Variants in MUC5B observed in about 807,000 individuals in gnomAD.
MUC5B encodes mucin 5B, oligomeric mucus/gel-forming, also known as mucin-5B.
MUC5B carries 116 observed loss-of-function variants against 376.9 expected under a neutral mutation model. That is an observed-to-expected ratio of 0.31 (90% CI 0.26 to 0.36). The LOEUF is 0.36. Among genes scored for constraint, MUC5B ranks in the 10% least tolerant of loss-of-function variants. MUC5B has a pLI of 1.00. For missense variants in MUC5B, 7,165 were observed against 7,769.9 expected (o/e 0.92, Z 2.93); for synonymous variants, 3,517 against 3,390.9 (o/e 1.04, Z -1.29).
Position 1,255,438 on chromosome 11 carries a change from A to C in MUC5B, c.15946A>C (p.Ile5316Leu). 1 of 1,604,220 alleles carries C rather than the reference A, an allele frequency of 6.2e-7. No individual in the cohort carries two copies. Among genetic ancestry groups the C allele is most frequent in the Non-Finnish European group, 8.5e-7 (1 of 1,176,138 alleles). Reference protein sequence around the residue: ...VPPGPFFNACISDHCRGRLEV... With the variant: ...VPPGPFFNACLSDHCRGRLEV... ...CCCGGGCCCATTCTTCAACGCCTGC[A>C]TCAGCGACCACTGCAGGGGCCGCCT... The change falls in exon 37 of 49, where the codon ATC becomes CTC. Residue 5316 changes from isoleucine (I) to leucine (L), a missense_variant. By Grantham distance (5) the Ile-to-Leu change is conservative. Transcript: ENST00000529681.
In MUC5B at chr11:1,245,366, C is replaced by A. The variant is rs1242522249; in HGVS notation, c.8486C>A (p.Thr2829Asn). The change falls in exon 31 of 49, where the codon ACC becomes AAC. Residue 2829 changes from threonine to asparagine, a missense_variant. Physicochemically the swap from Thr to Asn is moderately conservative, Grantham distance 65. Transcript: ENST00000529681. ...TESPPSPGTT[T>N]PGHTRATSRT... is the part of the protein sequence containing the mutation. ...TCACCCCCTTCTCCAGGGACGACCA[C>A]CCCGGGCCACACCAGGGCCACCTCC... 1.9e-6 allele frequency: 3 copies of A among 1,578,032 alleles called. No homozygotes were observed. Among genetic ancestry groups the A allele is most frequent in the Middle Eastern group, 2.3e-4 (1 of 4,360 alleles).
At position 1,246,456 on chromosome 11, in the gene MUC5B, C is replaced by G. The variant is rs759180745; in HGVS notation, c.9576C>G (p.Thr3192=). 1.4e-5 allele frequency: 22 copies of G among 1,613,202 alleles called. No homozygotes were observed. Among genetic ancestry groups the G allele is most frequent in the Non-Finnish European group, 1.8e-5 (21 of 1,179,656 alleles). The part of the protein sequence containing the change: ...TASSTRATAG[T]LKVLTSTATT... The stretch of plus-strand genomic sequence containing the variant: ...CCTCCACCCGGGCAACTGCTGGCAC[C>G]CTCAAAGTGCTGACCAGCACGGCCA... Residue 3192 remains threonine (T), a synonymous_variant, in exon 31 of 49, where the codon ACC becomes ACG. Transcript: ENST00000529681.
chr11:1,250,025 C>G lies in MUC5B; in HGVS notation c.13145C>G (p.Pro4382Arg). The change falls in exon 31 of 49, where the codon CCC becomes CGC. Residue 4382 changes from proline (P) to arginine (R), a missense_variant. Transcript: ENST00000529681. ...TTRATSSTSTPSSTPGTTWIL... is the reference protein window; with the variant it reads ...TTRATSSTSTRSSTPGTTWIL... ...AGGGCCACCAGTTCCACGTCCACCC[C>G]CTCCTCCACTCCGGGGACGACCTGG... The G allele has an allele frequency of 6.2e-7, 1 of 1,613,294 alleles. No homozygotes were observed. Among genetic ancestry groups the G allele is most frequent in the Non-Finnish European group, 8.5e-7 (1 of 1,179,694 alleles).
rs540223672 is a variant in MUC5B at position 1,246,430 on chromosome 11, T to G, written c.9550T>G (p.Ser3184Ala). 1.4e-5 allele frequency: 22 copies of G among 1,611,116 alleles called. No individual in the cohort carries two copies. The highest frequency in any genetic ancestry group is 1.7e-5 in the Non-Finnish European group (20 of 1,179,130). Reference protein sequence around the residue: ...TVPTGSTATASSTRATAGTLK... With the variant: ...TVPTGSTATAASTRATAGTLK... ...GCCCACCGGATCCACGGCCACCGCC[T>G]CCTCCACCCGGGCAACTGCTGGCAC... Residue 3184 changes from serine to alanine, a missense_variant, in exon 31 of 49, where the codon TCC (serine) becomes GCC (alanine). By Grantham distance (99) the Ser-to-Ala change is moderately conservative. Coordinates refer to ENST00000529681, the MANE Select transcript of MUC5B (RefSeq NM_002458.3).
chr11:1,243,190 G>T lies in MUC5B; in HGVS notation c.6310G>T (p.Val2104Leu), dbSNP rs1390404126. ...CCCGGGGACCACCCACACCGCCACA[G>T]TGCTGACCACCACCACCACAACTGT... ...SIPGTTHTAT[V>L]LTTTTTTVAT... The change falls in exon 31 of 49, where the codon GTG (valine) becomes TTG (leucine). Residue 2104 changes from valine to leucine, a missense_variant. This residue lies in a region of MUC5B where 897 missense variants were observed against 779.6 expected (regional missense o/e 1.15). Transcript: ENST00000529681. The T allele has an allele frequency of 6.3e-7, 1 of 1,598,414 alleles. No individual in the cohort carries two copies. Among genetic ancestry groups the T allele is most frequent in the Non-Finnish European group, 8.5e-7 (1 of 1,172,706 alleles).
rs1205563407 is a variant in MUC5B, at chr11:1,250,832, T to C, written c.13952T>C (p.Val4651Ala). 1.2e-5 allele frequency: 20 copies of C among 1,611,524 alleles called. No individual in the cohort carries two copies. Among genetic ancestry groups the C allele is most frequent in the Non-Finnish European group, 1.7e-5 (20 of 1,179,014 alleles). Residue 4651 changes from valine (V) to alanine (A), a missense_variant, in exon 31 of 49, where the codon GTG (valine) becomes GCG (alanine). Coordinates refer to ENST00000529681, the MANE Select transcript of MUC5B (RefSeq NM_002458.3). ...CCGGGGACCACCCACACCGCCAGAG[T>C]GCTGACCACCACCACCACAACTGTG... ...SIPGTTHTAR[V>A]LTTTTTTVAT...
In MUC5B at chr11:1,233,220, G is replaced by T. The variant is rs1310717510; in HGVS notation, c.2273G>T (p.Gly758Val). 5.0e-6 allele frequency: 8 copies of T among 1,596,732 alleles called. No homozygotes were observed. Among genetic ancestry groups the T allele is most frequent in the Non-Finnish European group, 6.8e-6 (8 of 1,175,338 alleles). The change falls in exon 18 of 49, where the codon GGC becomes GTC. Residue 758 changes from glycine (G) to valine (V), a missense_variant. Around this residue, in one of 31 missense-constraint regions of MUC5B, gnomAD observed 530 missense variants for 604.0 expected, o/e 0.88. Transcript: ENST00000529681. ...CAGGAGTGCCCCTGCTACGCTCACGGCACCGTGCTGGCTCCTGGAGAGGTG... is the reference window on the plus strand; with the variant it reads ...CAGGAGTGCCCCTGCTACGCTCACGTCACCGTGCTGGCTCCTGGAGAGGTG... ...PAQECPCYAH[G>V]TVLAPGEVVH...
chr11:1,260,174 G>T, intron 46 of MUC5B, 89 bp downstream of exon 46: 1 of 1,429,556 alleles, frequency 7.0e-7, no homozygotes, highest in African/African-American at 1.4e-5. Flanking sequence ...ACAGCAGGGA[G>T]GCCCCACCCC....
rs1346781236 is a variant in MUC5B, at chr11:1,236,456, A to T, written c.2951A>T (p.Tyr984Phe). The change falls in exon 24 of 49, where the codon TAC becomes TTC. Residue 984 changes from tyrosine to phenylalanine, a missense_variant. Physicochemically the swap from Tyr to Phe is conservative, Grantham distance 22 (BLOSUM62 3). Coordinates refer to ENST00000529681, the MANE Select transcript of MUC5B (RefSeq NM_002458.3). ...VARGPGGDPP[Y>F]KIRYMGIFLV... ...AGAGGGCCGGGTGGGGACCCACCCT[A>T]CAAGATACGCTACATGGGGATCTTC... The T allele has an allele frequency of 6.2e-7, 1 of 1,612,936 alleles. No individual in the cohort carries two copies. Among genetic ancestry groups the T allele is most frequent in the African/African-American group, 1.3e-5 (1 of 75,034 alleles).
In MUC5B at chr11:1,243,330, C is replaced by G. The variant is rs568517586; in HGVS notation, c.6450C>G (p.Ser2150=). Reference sequence around the variant, plus strand: ...CCACCGGCTCCACCACCAACCCCTCCTCAACTCCTGGGACAACTCCCATCC... The same window carrying G: ...CCACCGGCTCCACCACCAACCCCTCGTCAACTCCTGGGACAACTCCCATCC... ...ITATGSTTNP[S]STPGTTPIPP... The change falls in exon 31 of 49, where the codon TCC becomes TCG. Residue 2150 remains serine (S), a synonymous_variant. Transcript: ENST00000529681. 7.9e-5 allele frequency: 123 copies of G among 1,557,796 alleles called. 1 individual carries two copies. The highest frequency in any genetic ancestry group is 1.7e-5 in the Non-Finnish European group (19 of 1,150,796).
Position 1,248,449 on chromosome 11 carries a change from C to G in MUC5B, c.11569C>G (p.Pro3857Ala), listed in dbSNP as rs1287230254. 1.2e-6 allele frequency: 2 copies of G among 1,610,570 alleles called. No individual in the cohort carries two copies. The highest frequency in any genetic ancestry group is 1.7e-6 in the Non-Finnish European group (2 of 1,177,978). The stretch of plus-strand genomic sequence containing the variant: ...CTCTGTGGCCACCCCCTCTTCCACC[C>G]CAGGAACAGCTCACACTACCAAAGT... ...TGSVATPSST[P>A]GTAHTTKVPT... is the part of the protein sequence containing the mutation. Residue 3857 changes from proline to alanine, a missense_variant, in exon 31 of 49, where the codon CCA becomes GCA. Transcript: ENST00000529681.
chr11:1,229,576 G>T, intron 9 of MUC5B, 114 bp from the exon 10 acceptor site: 1 of 980,238 alleles, frequency 1.0e-6, no homozygotes, highest in Non-Finnish European at 1.5e-6. Context: ...CGGGGGCGGT[G>T]TCCTGGAGCA....
rs1028031544 is a variant in MUC5B at position 1,228,621 on chromosome 11, G to A, written c.832G>A (p.Val278Met). Residue 278 changes from valine (V) to methionine (M), a missense_variant, in exon 8 of 49, where the codon GTG becomes ATG. Physicochemically the swap from Val to Met is conservative, Grantham distance 21. Transcript: ENST00000529681. ...GPAFAECHAL[V>M]DSTAYLAACA... ...GGCCTTTGCGGAGTGCCACGCACTG[G>A]TGGACAGCACTGCGTACCTGGCCGC... 2.6e-6 allele frequency: 4 copies of A among 1,533,874 alleles called. No individual in the cohort carries two copies. The Admixed American group carries it at 7.8e-5, about 30-fold the overall frequency.
chr11:1,237,005 G>T lies in MUC5B; in HGVS notation c.3138G>T (p.Gly1046=). The change falls in exon 25 of 49, where the codon GGG becomes GGT. Residue 1046 remains glycine, a synonymous_variant. Coordinates refer to ENST00000529681, the MANE Select transcript of MUC5B (RefSeq NM_002458.3). ...DFATRSRSVV[G]DALEFGNSWK... ...CCACGCGTAGCCGGTCCGTGGTGGGGGACGCACTGGAGTTTGGGAACAGCT... is the reference window on the plus strand; with the variant it reads ...CCACGCGTAGCCGGTCCGTGGTGGGTGACGCACTGGAGTTTGGGAACAGCT... The T allele has an allele frequency of 6.4e-7, 1 of 1,574,744 alleles. No individual in the cohort carries two copies. Among genetic ancestry groups the T allele is most frequent in the Non-Finnish European group, 8.6e-7 (1 of 1,160,042 alleles).
Position 1,242,637 on chromosome 11 carries a change from C to T in MUC5B, c.5757C>T (p.Ser1919=). 1 of 1,613,766 alleles carries T rather than the reference C, an allele frequency of 6.2e-7. No individual in the cohort carries two copies. Among genetic ancestry groups the T allele is most frequent in the Non-Finnish European group, 8.5e-7 (1 of 1,179,806 alleles). ...KPTTTATTTA[S]TGSTATPTST... ...CCACAACAGCCACTACGACTGCGTC[C>T]ACTGGATCCACGGCCACCCCGACCT... The change falls in exon 31 of 49, where the codon TCC becomes TCT. Residue 1919 remains serine, a synonymous_variant. Coordinates refer to ENST00000529681, the MANE Select transcript of MUC5B (RefSeq NM_002458.3).
intron 1 of MUC5B, among the ~76,000 whole-genome samples, chr11:1,225,043 G>A (rs1316054990): frequency 1.3e-5 from 2 of 152,200 alleles, no homozygotes; most frequent in African/African-American, 4.8e-5. Context: ...GTGAGGCCTT[G>A]CCCGGAGGCG....
chr11:1,247,234 G>A lies in MUC5B; in HGVS notation c.10354G>A (p.Ala3452Thr). The change falls in exon 31 of 49, where the codon GCC (alanine) becomes ACC (threonine). Residue 3452 changes from alanine to threonine, a missense_variant. Transcript: ENST00000529681. Reference sequence around the variant, plus strand: ...CACACCCCCAGTGCCGAACACCACGGCCACCACACACGGGCGGTCCCTGCC... The same window carrying A: ...CACACCCCCAGTGCCGAACACCACGACCACCACACACGGGCGGTCCCTGCC... Reference protein sequence around the residue: ...THTPPVPNTTATTHGRSLPPS... With the variant: ...THTPPVPNTTTTTHGRSLPPS... 6.2e-7 allele frequency: 1 copy of A among 1,612,304 alleles called. No individual in the cohort carries two copies. Among genetic ancestry groups the A allele is most frequent in the East Asian group, 2.2e-5 (1 of 44,890 alleles).
chr11:1,254,067 C>T (rs1027861751), intron 33 of MUC5B, 25 bp from the exon 34 acceptor site: 14 of 1,602,016 alleles, frequency 8.7e-6, no homozygotes, highest in Admixed American at 1.7e-5. Flanking sequence ...CGGAGCCTGC[C>T]AGCCCGTCCA....
intron 7 of MUC5B, 77 bp downstream of exon 7, chr11:1,227,858 A>T (rs553916093): frequency 1.5e-6 from 1 of 651,374 alleles, no homozygotes; most frequent in Admixed American, 2.3e-5. Context: ...AGGTCTGAGG[A>T]ATGTTCCCAG....
Sources: allele counts gnomAD v4.1 joint callset (sites outside exome capture counted in the v4.1 genomes callset), GRCh38; gene constraint gnomAD v4.1.1; regional missense constraint gnomAD v4.1.1; transcripts MANE v1.5; gene names NCBI Gene and HGNC (gene_info 2026-07-23, HGNC 2026-07-21).